PSD3: variants seen among roughly 807,000 people sequenced by gnomAD.
PSD3 encodes the protein PH and SEC7 domain-containing protein 3.
A neutral mutation model predicts 105.5 loss-of-function variants in PSD3; 49 were observed. The ratio of observed to expected loss-of-function variants is 0.46; its 90% confidence interval spans 0.37 to 0.59. PSD3 has a LOEUF of 0.59. Ranked by LOEUF, PSD3 falls within the 20% of genes least tolerant of loss-of-function variation. PSD3 has a pLI of 0.00. For missense variants in PSD3, 1,561 were observed against 1,263.8 expected (o/e 1.24, Z -3.57); for synonymous variants, 557 against 457.8 (o/e 1.22, Z -2.77).
At chr8:19,016,002 C>CA (rs1265442586), upstream of PSD3, among the ~76,000 whole-genome samples, 9 of 152,346 alleles carry the variant, frequency 5.9e-5, no homozygotes, top group South Asian at 1.9e-3. Flanking sequence ...TTCTGATCAG[C>CA]ATAAATTAGC....
chr8:18,580,137 C>T (rs1268299209), intron 12 of PSD3, among the ~76,000 whole-genome samples: 2 of 152,148 alleles, frequency 1.3e-5, no homozygotes, highest in Non-Finnish European at 2.9e-5. Flanking sequence ...CATTCAGCTT[C>T]GTCCTAATAA....
intron 11 of PSD3, among the ~76,000 whole-genome samples, chr8:18,607,685 AAAAAAAAAAACAAAAC>A (rs1563372388): frequency 8.0e-6 from 1 of 124,824 alleles, no homozygotes; most frequent in Non-Finnish European, 1.7e-5. Context: ...CACTGCTACA[AAAAAAAAAAACAAAAC>A]AAAAAAAAAA....
intron 8 of PSD3, among the ~76,000 whole-genome samples, chr8:18,798,200 A>G (rs1810359078): frequency 6.6e-6 from 1 of 152,148 alleles, no homozygotes; most frequent in African/African-American, 2.4e-5. Flanking sequence ...ATGCTTCCTG[A>G]AAGTATTTTC....
chr8:18,770,367 A>G (rs1807405904), intron 8 of PSD3, among the ~76,000 whole-genome samples: 1 of 152,218 alleles, frequency 6.6e-6, no homozygotes, highest in African/African-American at 2.4e-5. Flanking sequence ...CATTCTAGAT[A>G]TAATTTTCTT....
chr8:18,613,706 G>A (rs940656803), intron 11 of PSD3, among the ~76,000 whole-genome samples: 2 of 152,112 alleles, frequency 1.3e-5, no homozygotes, highest in African/African-American at 4.8e-5. Context: ...CATAGAAAAC[G>A]GCATCACTAC....
At chr8:18,670,417 G>C (rs996023300) in intron 9 of PSD3, among the ~76,000 whole-genome samples, 1 of 152,156 alleles carries the variant, frequency 6.6e-6, no homozygotes, top group African/African-American at 2.4e-5. Flanking sequence ...TTTAAAGGGT[G>C]GCTCCGCTTC....
At chr8:18,949,900 T>A (rs1823132511) in intron 1 of PSD3, among the ~76,000 whole-genome samples, 1 of 152,210 alleles carries the variant, frequency 6.6e-6, no homozygotes, top group African/African-American at 2.4e-5. Flanking sequence ...TAATTTAAAA[T>A]GATATAGAAA....
At chr8:18,927,640 C>T (rs1167949542) in intron 2 of PSD3, among the ~76,000 whole-genome samples, 1 of 152,178 alleles carries the variant, frequency 6.6e-6, no homozygotes, top group Non-Finnish European at 1.5e-5. Flanking sequence ...GACCCGGGGG[C>T]TCTGGGCTGC....
chr8:18,625,606 A>G (rs1262016194), intron 11 of PSD3, among the ~76,000 whole-genome samples: 1 of 152,194 alleles, frequency 6.6e-6, no homozygotes, highest in Non-Finnish European at 1.5e-5. Context: ...TGTCCCAACT[A>G]CACAAAAAAT....
At chr8:18,542,346 T>C (rs1800198935) in intron 15 of PSD3, among the ~76,000 whole-genome samples, 1 of 152,226 alleles carries the variant, frequency 6.6e-6, no homozygotes, top group Non-Finnish European at 1.5e-5. Context: ...CTCATTTACC[T>C]TTGGATACAT....
At chr8:19,063,289 C>T (rs1216022767) in intron 1 of PSD3, among the ~76,000 whole-genome samples, 1 of 152,286 alleles carries the variant, frequency 6.6e-6, no homozygotes, top group Non-Finnish European at 1.5e-5. Flanking sequence ...AATTTATTAG[C>T]TAACCAAAAT....
At chr8:18,693,470 G>T (rs781382676) in intron 9 of PSD3, among the ~76,000 whole-genome samples, 1 of 152,178 alleles carries the variant, frequency 6.6e-6, no homozygotes, top group African/African-American at 2.4e-5. Flanking sequence ...GGGGAAACAT[G>T]CTGTATTAAA....
chr8:18,575,027 A>T (rs1288370864), intron 13 of PSD3, 101 bp downstream of exon 13: 2 of 1,272,876 alleles, frequency 1.6e-6, no homozygotes. Flanking sequence ...TTTGATTCCA[A>T]CTCAAAAAAT....
At chr8:18,784,886 A>G (rs1808982158) in intron 8 of PSD3, among the ~76,000 whole-genome samples, 1 of 152,106 alleles carries the variant, frequency 6.6e-6, no homozygotes, top group African/African-American at 2.4e-5. Context: ...TGATTAAATC[A>G]ATGGTCAGTG....
chr8:18,621,403 G>A (rs1417328570), intron 11 of PSD3, among the ~76,000 whole-genome samples: 7 of 152,264 alleles, frequency 4.6e-5, no homozygotes, highest in East Asian at 3.9e-4. Context: ...GTGAGACACC[G>A]TCTCAGAAAA....
intron 1 of PSD3, among the ~76,000 whole-genome samples, chr8:18,949,260 TATATA>T (rs1823086277): frequency 9.7e-6 from 1 of 103,182 alleles, no homozygotes; most frequent in African/African-American, 3.4e-5. Context: ...TATATATATA[TATATA>T]TATATATATA....
chr8:18,867,806 T>A lies in PSD3; in HGVS notation c.1502A>T (p.His501Leu). The A allele has an allele frequency of 6.2e-7, 1 of 1,614,166 alleles. No individual in the cohort carries two copies. Among genetic ancestry groups the A allele is most frequent in the Non-Finnish European group, 8.5e-7 (1 of 1,180,022 alleles). ...QFLERTSGGGHQDILSVSADG... is the reference protein window; with the variant it reads ...QFLERTSGGGLQDILSVSADG... ...TGCAGACACACTCAGGATATCCTGA[T>A]GTCCTCCCCCTGATGTCCTCTCCAA... The change falls in exon 4 of 16, where the codon CAT (histidine) becomes CTT (leucine). Residue 501 changes from histidine to leucine, a missense_variant. Physicochemically the swap from His to Leu is moderately conservative, Grantham distance 99. Transcript: ENST00000327040.
chr8:18,585,438 G>A (rs919786249), intron 12 of PSD3, among the ~76,000 whole-genome samples: 23 of 152,154 alleles, frequency 1.5e-4, no homozygotes, highest in Admixed American at 1.1e-3. Context: ...CTGCCTCAGC[G>A]TCCTGAGTAG....
chr8:18,973,229 C>T (rs1201582068), intron 1 of PSD3, among the ~76,000 whole-genome samples: 1 of 152,094 alleles, frequency 6.6e-6, no homozygotes. Context: ...GATGAAGAGG[C>T]AACTGAAAAC....
Sources: gnomAD v4.1 joint callset for allele counts (sites outside exome capture counted in the v4.1 genomes callset) on GRCh38, gnomAD v4.1.1 for gene constraint, MANE v1.5 for transcripts, NCBI Gene and HGNC (gene_info 2026-07-23, HGNC 2026-07-21) for gene names.